The following BACH2 variants were observed in gnomAD, a reference collection of about 807,000 sequenced individuals.
The protein encoded by BACH2 is transcription regulator protein BACH2.
A neutral mutation model predicts 61.8 loss-of-function variants in BACH2; 5 were observed. The ratio of observed to expected loss-of-function variants is 0.08; its 90% CI spans 0.04 to 0.17. BACH2 has a LOEUF of 0.17. Among genes scored for constraint, BACH2 ranks in the 10% least tolerant of loss-of-function variants. BACH2 has a pLI of 1.00. For missense variants in BACH2, 824 were observed against 1,091.1 expected (o/e 0.76, Z 3.45); for synonymous variants, 446 against 440.1 (o/e 1.01, Z -0.17).
chr6:90,180,965 G>A (rs558571171), intron 4 of BACH2, among the ~76,000 whole-genome samples: 6 of 152,198 alleles, frequency 3.9e-5, no homozygotes, highest in African/African-American at 1.4e-4. Context: ...ATTGTGAATT[G>A]TGCTGCAATA....
intron 4 of BACH2, among the ~76,000 whole-genome samples, chr6:90,151,373 C>G (rs910187911): frequency 2.0e-5 from 3 of 152,114 alleles, no homozygotes; most frequent in Non-Finnish European, 2.9e-5. Flanking sequence ...TAGCCTCGAC[C>G]TCCCAGGCTC....
chr6:90,211,092 A>G lies in BACH2; in HGVS notation c.-274-4411T>C, dbSNP rs565398745. ...ATAGCCTGAACCAGGAGGCAGAGGC[A>G]CTGTAGCCTGGGTGACAGAGGGAGA... On this transcript the variant is annotated intron_variant, in intron 3 of 8. Coordinates refer to ENST00000257749, the MANE Select transcript of BACH2 (RefSeq NM_021813.4). 9.6e-5 allele frequency among the ~76,000 whole-genome samples: 13 copies of G among 135,590 alleles called. No individual in the cohort carries two copies. The East Asian group carries it at 2.6e-3, about 27-fold the overall frequency. 89.0% of individuals were successfully genotyped at this position (135,590 alleles called of 152,430 possible). A position where few individuals can be genotyped will look rare whatever the true frequency, so the allele number is the denominator to read the frequency against.
intron 4 of BACH2, among the ~76,000 whole-genome samples, chr6:90,182,440 G>A (rs570833466): frequency 6.6e-6 from 1 of 152,256 alleles, no homozygotes; most frequent in South Asian, 2.1e-4. Flanking sequence ...CATCCAGGCA[G>A]AACTGCTTCA....
At chr6:90,284,610 C>T (rs1340589616) in intron 1 of BACH2, among the ~76,000 whole-genome samples, 1 of 152,032 alleles carries the variant, frequency 6.6e-6, no homozygotes, top group Non-Finnish European at 1.5e-5. Context: ...GATTTCTAAA[C>T]GATGAAATGA....
chr6:89,993,864 A>T lies in BACH2; in HGVS notation c.243+14738T>A, dbSNP rs138513456. Among the ~76,000 whole-genome samples, 7 of 152,004 alleles carry T rather than the reference A, an allele frequency of 4.6e-5. No homozygotes were observed. The East Asian group carries it at 1.4e-3, about 29-fold the overall frequency. The stretch of plus-strand genomic sequence containing the variant: ...CTTGAATAAACTGGCTCAGAAGGTA[A>T]ATGTCTTCTTTTTTATAAAACCCAG... On this transcript the variant is annotated intron_variant, in intron 6 of 8. Coordinates refer to ENST00000257749, the MANE Select transcript of BACH2 (RefSeq NM_021813.4).
At chr6:90,226,683 C>T (rs1769926134) in intron 3 of BACH2, among the ~76,000 whole-genome samples, 1 of 152,086 alleles carries the variant, frequency 6.6e-6, no homozygotes. Context: ...AAACACAGAG[C>T]CCAAGTCCTT....
At chr6:90,161,354 A>C in intron 4 of BACH2, among the ~76,000 whole-genome samples, 1 of 152,162 alleles carries the variant, frequency 6.6e-6, no homozygotes, top group East Asian at 1.9e-4. Context: ...CATAATAATG[A>C]TATTTTTTCT....
intron 5 of BACH2, among the ~76,000 whole-genome samples, chr6:90,025,023 C>T (rs530157812): frequency 1.3e-5 from 2 of 152,314 alleles, no homozygotes; most frequent in Admixed American, 6.5e-5. Context: ...GATGAGACTA[C>T]CCCGTTTAGC....
At chr6:90,015,373 C>T (rs1778004644) in intron 5 of BACH2, among the ~76,000 whole-genome samples, 1 of 151,930 alleles carries the variant, frequency 6.6e-6, no homozygotes, top group South Asian at 2.1e-4. Context: ...TAGTTGAGCC[C>T]ACTAATCTGA....
chr6:90,230,813 A>T (rs1396711211), intron 3 of BACH2, among the ~76,000 whole-genome samples: 1 of 152,188 alleles, frequency 6.6e-6, no homozygotes, highest in Non-Finnish European at 1.5e-5. Context: ...CCCAGAGTTG[A>T]AATGTGTTTT....
At chr6:89,987,586 G>A (rs555759569) in intron 6 of BACH2, among the ~76,000 whole-genome samples, 2 of 152,182 alleles carry the variant, frequency 1.3e-5, no homozygotes, top group African/African-American at 2.4e-5. Flanking sequence ...GGGTGTAAAC[G>A]GGATCATGAG....
intron 3 of BACH2, among the ~76,000 whole-genome samples, chr6:90,243,408 G>A (rs904174139): frequency 6.6e-6 from 1 of 152,148 alleles, no homozygotes; most frequent in Non-Finnish European, 1.5e-5. Context: ...AGACTTTGGA[G>A]AAAATGCTTA....
intron 4 of BACH2, among the ~76,000 whole-genome samples, chr6:90,135,512 G>C (rs1046073609): frequency 2.0e-5 from 3 of 152,156 alleles, no homozygotes; most frequent in African/African-American, 7.2e-5. Context: ...TGGATCGCTT[G>C]AGACCAGCCT....
chr6:89,980,767 AAT>A (rs1775906668), intron 6 of BACH2, among the ~76,000 whole-genome samples: 1 of 152,204 alleles, frequency 6.6e-6, no homozygotes, highest in Admixed American at 6.5e-5. Context: ...CTTATTTCTT[AAT>A]ATCATAGGAT....
At chr6:90,158,764 G>GT (rs1554253659) in intron 4 of BACH2, among the ~76,000 whole-genome samples, 8 of 108,096 alleles carry the variant, frequency 7.4e-5, no homozygotes, top group East Asian at 5.1e-4. Flanking sequence ...TCTTCTTTTG[G>GT]TGGGGGGGGG....
At chr6:89,969,157 G>A (rs371685392) in intron 6 of BACH2, among the ~76,000 whole-genome samples, 3 of 148,040 alleles carry the variant, frequency 2.0e-5, no homozygotes, top group South Asian at 2.2e-4. Flanking sequence ...GGGTTCAAGC[G>A]ATTCTCCTGC....
intron 1 of BACH2, among the ~76,000 whole-genome samples, chr6:90,273,801 T>C (rs1460033851): frequency 6.6e-6 from 1 of 152,168 alleles, no homozygotes; most frequent in Non-Finnish European, 1.5e-5. Flanking sequence ...AGGCTGGAAA[T>C]TACTGGTGAT....
Position 89,956,536 on chromosome 6 carries a change from G to T in BACH2, c.244-4674C>A, listed in dbSNP as rs150445955. 5.3e-5 allele frequency among the ~76,000 whole-genome samples: 8 copies of T among 152,316 alleles called. No individual in the cohort carries two copies. The South Asian group carries it at 8.3e-4, about 16-fold the overall frequency. ...GATTCTAACATATCATCTCTCTGCT[G>T]AAAGGAAGATGGGCTGATGAAAACT... On this transcript the variant is annotated intron_variant, in intron 6 of 8. Coordinates refer to ENST00000257749, the MANE Select transcript of BACH2 (RefSeq NM_021813.4).
At chr6:90,179,456 G>A (rs1199165473) in intron 4 of BACH2, among the ~76,000 whole-genome samples, 2 of 152,154 alleles carry the variant, frequency 1.3e-5, no homozygotes, top group Non-Finnish European at 2.9e-5. Context: ...TAACTTGATG[G>A]ATTTGGAAGG....
Sources: gnomAD v4.1 joint callset for allele counts (sites outside exome capture counted in the v4.1 genomes callset) on GRCh38, gnomAD v4.1.1 for gene constraint, MANE v1.5 for transcripts, NCBI Gene and HGNC (gene_info 2026-07-23, HGNC 2026-07-21) for gene names.